TMEM135: variants seen among roughly 807,000 people sequenced by gnomAD.
TMEM135 encodes the protein peroxisomal membrane protein 52.
In TMEM135, 30 loss-of-function variants were observed where a neutral mutation model predicts 60.3. The observed-to-expected ratio is 0.50, with a 90% CI of 0.37 to 0.68. TMEM135 has a LOEUF of 0.68. Among genes scored for constraint, TMEM135 ranks in the 30% least tolerant of loss-of-function variants. The pLI is 0.00. For synonymous variants in TMEM135, 190 were observed against 186.7 expected, an observed-to-expected ratio of 1.02 and a Z score of -0.14; for missense variants, 468 against 548.8, an observed-to-expected ratio of 0.85 and a Z score of 1.47.
At chr11:87,040,250 G>C (rs1227916407) in intron 1 of TMEM135, among the ~76,000 whole-genome samples, 1 of 152,180 alleles carries the variant, frequency 6.6e-6, no homozygotes, top group Non-Finnish European at 1.5e-5. Context: ...TGTAGGTATG[G>C]GTGGGGCTAC....
chr11:87,285,839 T>C (rs1942154921), intron 6 of TMEM135, among the ~76,000 whole-genome samples: 2 of 152,150 alleles, frequency 1.3e-5, no homozygotes. Context: ...GATTGGTCCA[T>C]TTTATAGAGA....
intron 11 of TMEM135, 88 bp downstream of exon 11, chr11:87,313,576 T>G: frequency 8.8e-7 from 1 of 1,131,100 alleles, no homozygotes; most frequent in South Asian, 1.3e-5. Flanking sequence ...ATCCAATTTC[T>G]ATGAATCTTC....
At chr11:87,055,090 TAAG>T (rs1949881087) in intron 1 of TMEM135, among the ~76,000 whole-genome samples, 1 of 152,190 alleles carries the variant, frequency 6.6e-6, no homozygotes, top group Admixed American at 6.5e-5. Context: ...TAAGTGCTAT[TAAG>T]AAGACGTTCA....
intron 6 of TMEM135, chr11:87,277,497 A>T (rs1443447098): frequency 6.3e-6 from 1 of 159,270 alleles, no homozygotes; most frequent in Non-Finnish European, 1.4e-5. Flanking sequence ...TCTGAGAATA[A>T]GCAGTAGTAA....
intron 5 of TMEM135, among the ~76,000 whole-genome samples, chr11:87,185,345 CT>C (rs1256360855): frequency 1.3e-5 from 2 of 152,130 alleles, no homozygotes; most frequent in Admixed American, 6.5e-5. Context: ...TGGTTCCCCC[CT>C]CATCCCTCTC....
In TMEM135 at chr11:87,264,307, C is replaced by CTTTT. The variant is rs145849024; in HGVS notation, c.509+27624_509+27627dup. The stretch of plus-strand genomic sequence containing the variant: ...CTCACTTTTCTTTTCTGTTCTTTTT[C>CTTTT]TTTTCTTTTTTTTTGTTGTTTGTTT... On this transcript the variant is annotated intron_variant, in intron 6 of 14. Transcript: ENST00000305494. Among the ~76,000 whole-genome samples the CTTTT allele has an allele frequency of 1.2e-3, 178 of 146,684 alleles. 1 individual carries two copies. Among genetic ancestry groups the CTTTT allele is most frequent in the African/African-American group, 4.1e-3 (168 of 40,510 alleles).
chr11:87,246,751 G>T (rs373009606), intron 6 of TMEM135, among the ~76,000 whole-genome samples: 3,304 of 125,914 alleles, frequency 0.026, 152 homozygotes, highest in East Asian at 0.11. Context: ...TTATACATTC[G>T]TCTAAATTTT....
At chr11:87,224,641 A>G (rs1007334260) in intron 5 of TMEM135, among the ~76,000 whole-genome samples, 2 of 152,170 alleles carry the variant, frequency 1.3e-5, no homozygotes, top group African/African-American at 4.8e-5. Context: ...AGCAGACTTC[A>G]CATAGATGAC....
chr11:87,178,741 A>G (rs1003187807), intron 5 of TMEM135, among the ~76,000 whole-genome samples: 3 of 151,998 alleles, frequency 2.0e-5, no homozygotes, highest in Admixed American at 6.6e-5. Context: ...AATGTTTTTG[A>G]GGTTCATTCA....
chr11:87,064,649 G>A (rs1021254192), intron 1 of TMEM135, among the ~76,000 whole-genome samples: 5 of 152,192 alleles, frequency 3.3e-5, no homozygotes, highest in South Asian at 2.1e-4. Context: ...TTGGGAGGCC[G>A]AGGTGGGCGG....
chr11:87,215,982 T>A (rs1940491592), intron 5 of TMEM135, among the ~76,000 whole-genome samples: 1 of 152,196 alleles, frequency 6.6e-6, no homozygotes, highest in Non-Finnish European at 1.5e-5. Flanking sequence ...TACAAGAAGA[T>A]GAGAGAGAAA....
chr11:87,204,585 T>C (rs945777296), intron 5 of TMEM135, among the ~76,000 whole-genome samples: 1 of 152,236 alleles, frequency 6.6e-6, no homozygotes, highest in Non-Finnish European at 1.5e-5. Flanking sequence ...TATTATATAC[T>C]GTATTCTTAT....
At chr11:87,076,303 T>A (rs1415620481) in intron 3 of TMEM135, among the ~76,000 whole-genome samples, 1 of 152,194 alleles carries the variant, frequency 6.6e-6, no homozygotes, top group Non-Finnish European at 1.5e-5. Flanking sequence ...AGCCTCTCCA[T>A]GTGGGCACCA....
chr11:87,047,572 C>T (rs1432820224), intron 1 of TMEM135, among the ~76,000 whole-genome samples: 2 of 78,790 alleles, frequency 2.5e-5, no homozygotes, highest in African/African-American at 2.0e-4. Context: ...CCTGGAAAAT[C>T]GGGTCACTCC....
chr11:87,106,241 A>G (rs978298469), intron 4 of TMEM135, among the ~76,000 whole-genome samples: 14 of 151,712 alleles, frequency 9.2e-5, no homozygotes, highest in Middle Eastern at 3.2e-3. Context: ...GTAGCTGGGA[A>G]TAGAGGTGCC....
At chr11:87,286,491 G>A (rs1480057352) in intron 6 of TMEM135, among the ~76,000 whole-genome samples, 1 of 152,256 alleles carries the variant, frequency 6.6e-6, no homozygotes, top group Non-Finnish European at 1.5e-5. Flanking sequence ...CACGGGCGGA[G>A]CTGCCTGCCA....
At chr11:87,249,242 G>T (rs1941361970) in intron 6 of TMEM135, among the ~76,000 whole-genome samples, 1 of 152,054 alleles carries the variant, frequency 6.6e-6, no homozygotes, top group African/African-American at 2.4e-5. Flanking sequence ...GTGTGTGACT[G>T]CTATTATGTG....
At chr11:87,090,799 G>A (rs964299063) in intron 3 of TMEM135, among the ~76,000 whole-genome samples, 5 of 152,008 alleles carry the variant, frequency 3.3e-5, no homozygotes, top group Admixed American at 6.5e-5. Flanking sequence ...TAGAACTTTT[G>A]TTTGTCCTTT....
intron 4 of TMEM135, among the ~76,000 whole-genome samples, chr11:87,097,155 C>A (rs944267213): frequency 2.0e-5 from 3 of 152,132 alleles, no homozygotes; most frequent in Non-Finnish European, 4.4e-5. Context: ...CACTGCCATG[C>A]CTGGCTAATT....
Sources: gnomAD v4.1 joint callset for allele counts (sites outside exome capture counted in the v4.1 genomes callset) on GRCh38, gnomAD v4.1.1 for gene constraint, MANE v1.5 for transcripts, NCBI Gene and HGNC (gene_info 2026-07-23, HGNC 2026-07-21) for gene names.